PLA2R1: variants seen among roughly 807,000 people sequenced by gnomAD.
The protein encoded by PLA2R1 is phospholipase A2 receptor 1.
PLA2R1 carries 158 observed loss-of-function variants against 195.9 expected under a neutral mutation model. The observed-to-expected ratio is 0.81, with a 90% CI of 0.71 to 0.92. PLA2R1 has a LOEUF of 0.92. Ranked by LOEUF, PLA2R1 falls within the 40% of genes least tolerant of loss-of-function variation. The probability of loss-of-function intolerance (pLI) is 0.00; values close to 1 mark genes in which losing one functional copy is unlikely to be tolerated. For missense variants in PLA2R1, 1,626 were observed against 1,764.6 expected (o/e 0.92, Z 1.41); for synonymous variants, 586 against 598.2 (o/e 0.98, Z 0.30).
rs143007086 is a variant in PLA2R1, at chr2:159,970,202, T to C, written c.2606A>G (p.Tyr869Cys). The C allele has an allele frequency of 3.7e-5, 60 of 1,608,570 alleles. No homozygotes were observed. The highest frequency in any genetic ancestry group is 4.9e-5 in the Non-Finnish European group (58 of 1,176,690). Residue 869 changes from tyrosine to cysteine, a missense_variant, in exon 18 of 30, where the codon TAT becomes TGT. Coordinates refer to ENST00000283243, the MANE Select transcript of PLA2R1 (RefSeq NM_007366.5). ...IHSKIKALSKYGASWWIGLQE... is the reference protein window; with the variant it reads ...IHSKIKALSKCGASWWIGLQE... ...AAGTCCAATCCACCAACTTGCACCA[T>C]ACTTTGATAGCTATTGAAAGAAAAA...
intron 1 of PLA2R1, among the ~76,000 whole-genome samples, chr2:160,046,087 C>G (rs1385154137): frequency 6.6e-6 from 1 of 152,220 alleles, no homozygotes; most frequent in Admixed American, 6.5e-5. Context: ...TAGTACTCAA[C>G]AGTTATGAAC....
At chr2:159,967,171 A>G (rs1216830856) in intron 20 of PLA2R1, among the ~76,000 whole-genome samples, 1 of 152,148 alleles carries the variant, frequency 6.6e-6, no homozygotes, top group Non-Finnish European at 1.5e-5. Context: ...ACATACATAC[A>G]CGTGCACACA....
the PLA2R1 span, among the ~76,000 whole-genome samples, chr2:159,924,250 C>A: frequency 6.6e-6 from 1 of 152,204 alleles, no homozygotes; most frequent in Non-Finnish European, 1.5e-5. Context: ...ATGTGAGGCC[C>A]ACCTGGGTAA....
rs564808477 is a variant in PLA2R1 at position 160,023,977 on chromosome 2, C to CT, written c.1100-1119dup. Among the ~76,000 whole-genome samples the CT allele has an allele frequency of 2.4e-4, 37 of 151,604 alleles. No homozygotes were observed. The East Asian group carries it at 7.0e-3, about 29-fold the overall frequency. ...TAAGGAAAGGAAGAGCAAGGGGACCCTAGCAGCCTCCAACACCACCAGGGT... is the reference window on the plus strand; with the variant it reads ...TAAGGAAAGGAAGAGCAAGGGGACCCTTAGCAGCCTCCAACACCACCAGGGT... On this transcript the variant is annotated intron_variant, in intron 6 of 29. Transcript: ENST00000283243.
At chr2:159,978,068 G>A (rs1689697535) in intron 14 of PLA2R1, among the ~76,000 whole-genome samples, 1 of 152,058 alleles carries the variant, frequency 6.6e-6, no homozygotes, top group South Asian at 2.1e-4. Flanking sequence ...TGGAATCCTG[G>A]GTAAACTTAG....
intron 1 of PLA2R1, among the ~76,000 whole-genome samples, chr2:160,050,855 C>G (rs1302569751): frequency 6.6e-6 from 1 of 152,174 alleles, no homozygotes; most frequent in Admixed American, 6.5e-5. Flanking sequence ...TCTGTGTGAA[C>G]AGCAGACTGG....
chr2:159,988,030 A>G (rs565141068), intron 11 of PLA2R1, among the ~76,000 whole-genome samples: 11 of 152,342 alleles, frequency 7.2e-5, no homozygotes, highest in South Asian at 6.2e-4. Context: ...GTTATGGACA[A>G]AACTCCACTT....
At chr2:159,931,615 G>A (rs1686590805), downstream of PLA2R1, among the ~76,000 whole-genome samples, 1 of 152,108 alleles carries the variant, frequency 6.6e-6, no homozygotes, top group African/African-American at 2.4e-5. Flanking sequence ...GTGCAGTGGT[G>A]CAATCACAGC....
intron 11 of PLA2R1, among the ~76,000 whole-genome samples, chr2:160,001,555 T>C (rs1691597732): frequency 6.6e-6 from 1 of 152,002 alleles, no homozygotes; most frequent in South Asian, 2.1e-4. Flanking sequence ...TTATATGCTG[T>C]TTATAAGTGA....
chr2:159,979,707 C>G, intron 14 of PLA2R1, 123 bp downstream of exon 14: 2 of 592,024 alleles, frequency 3.4e-6, no homozygotes, highest in South Asian at 2.2e-5. Flanking sequence ...GTACTAAGGT[C>G]TGGTGCAGTT....
At chr2:160,046,138 C>A (rs980925265) in intron 1 of PLA2R1, among the ~76,000 whole-genome samples, 4 of 152,332 alleles carry the variant, frequency 2.6e-5, no homozygotes, top group African/African-American at 7.2e-5. Context: ...AACAAAGTCT[C>A]ATTTCTTTGG....
In PLA2R1 at chr2:160,028,113, A is replaced by C. The variant is rs1416129007; in HGVS notation, c.1099+105T>G. ...TTTCATATAAATATAAACTAGATTT[A>C]GCTAAGTTTACATTATGAATTATTA... On this transcript the variant is annotated intron_variant, in intron 6 of 29. Transcript: ENST00000283243. 2.7e-5 allele frequency: 19 copies of C among 696,534 alleles called. No individual in the cohort carries two copies. In the Admixed American group the frequency reaches 5.3e-4, roughly 19 times the overall value. 43.1% of individuals were successfully genotyped at this position (696,534 alleles called of 1,614,324 possible).
intron 23 of PLA2R1, among the ~76,000 whole-genome samples, chr2:159,952,923 A>G (rs1687844280): frequency 6.6e-6 from 1 of 152,190 alleles, no homozygotes; most frequent in Non-Finnish European, 1.5e-5. Context: ...AATTTCTGTA[A>G]ATTGTGATGG....
intron 11 of PLA2R1, among the ~76,000 whole-genome samples, chr2:159,991,288 T>C (rs1339102223): frequency 1.3e-5 from 2 of 152,108 alleles, no homozygotes; most frequent in Admixed American, 6.5e-5. Flanking sequence ...TATGAGGAGA[T>C]ATGGAAATGT....
chr2:160,030,127 T>C lies in PLA2R1; in HGVS notation c.842-1164A>G, dbSNP rs145015310. 1.8e-3 allele frequency among the ~76,000 whole-genome samples: 277 copies of C among 152,340 alleles called. 1 individual carries two copies. Among genetic ancestry groups the C allele is most frequent in the African/African-American group, 6.0e-3 (249 of 41,572 alleles). ...CAGGTTGTGAAGGTCATTGTAGTCA[T>C]ATAACAAGGCTGCAGCATCCTCAGT... On this transcript the variant is annotated intron_variant, in intron 4 of 29. Coordinates refer to ENST00000283243, the MANE Select transcript of PLA2R1 (RefSeq NM_007366.5).
At chr2:159,972,603 G>A (rs1689264507) in intron 17 of PLA2R1, among the ~76,000 whole-genome samples, 1 of 151,986 alleles carries the variant, frequency 6.6e-6, no homozygotes, top group Non-Finnish European at 1.5e-5. Flanking sequence ...TTTTGGAGGA[G>A]GACTAATAGA....
At position 160,042,088 on chromosome 2, in the gene PLA2R1, G is replaced by T. The variant is rs1342050266; in HGVS notation, c.604C>A (p.Leu202Met). ...TAACGGCTTGTCGTGGCACACCACA[G>T]TAAGTCATCTTCCCGACCTTCACGG... ...CTREGREDDLLWCATTSRYER... is the reference protein window; with the variant it reads ...CTREGREDDLMWCATTSRYER... Residue 202 changes from leucine (L) to methionine (M), a missense_variant, in exon 3 of 30, where the codon CTG (leucine) becomes ATG (methionine). Leu to Met is a conservative substitution (Grantham distance 15). Coordinates refer to ENST00000283243, the MANE Select transcript of PLA2R1 (RefSeq NM_007366.5). The T allele has an allele frequency of 6.2e-7, 1 of 1,614,204 alleles. No individual in the cohort carries two copies. Among genetic ancestry groups the T allele is most frequent in the African/African-American group, 1.3e-5 (1 of 75,072 alleles).
At chr2:159,977,548 C>A in intron 14 of PLA2R1, 132 bp from the exon 15 acceptor site, 1 of 629,342 alleles carries the variant, frequency 1.6e-6, no homozygotes, top group Non-Finnish European at 2.7e-6. Flanking sequence ...GGATGTCATT[C>A]TAGTTGAAGG....
intron 3 of PLA2R1, among the ~76,000 whole-genome samples, chr2:160,040,040 C>G (rs1381984428): frequency 6.6e-6 from 1 of 151,446 alleles, no homozygotes; most frequent in Non-Finnish European, 1.5e-5. Flanking sequence ...TAATAATGAC[C>G]TCTATTGGGG....
Sources: gnomAD v4.1 joint callset for allele counts (sites outside exome capture counted in the v4.1 genomes callset) on GRCh38, gnomAD v4.1.1 for gene constraint, MANE v1.5 for transcripts, NCBI Gene and HGNC (gene_info 2026-07-23, HGNC 2026-07-21) for gene names.